LIMCH1: variants seen among roughly 807,000 people sequenced by gnomAD.
LIMCH1 encodes LIM and calponin homology domains-containing protein 1.
In LIMCH1, 113 loss-of-function variants were observed where a neutral mutation model predicts 176.5. The ratio of observed to expected loss-of-function variants is 0.64; its 90% CI spans 0.55 to 0.75. The LOEUF is 0.75. Ranked by LOEUF, LIMCH1 falls within the 30% of genes least tolerant of loss-of-function variation. The probability of loss-of-function intolerance (pLI) is 0.00; values close to 1 mark genes in which losing one functional copy is unlikely to be tolerated. For missense variants in LIMCH1, 1,674 were observed against 1,814.9 expected (o/e 0.92, Z 1.41); for synonymous variants, 619 against 645.9 (o/e 0.96, Z 0.63).
Position 41,676,465 on chromosome 4 carries a change from A to G in LIMCH1, c.3519+3A>G. ...AGGAACAGGAACGTTTGCTCCAGGT[A>G]GGATGGAGTTTGCTGCTTTTTTTGT... On this transcript the variant is annotated splice_donor_region_variant and intron_variant, in intron 23 of 31. Coordinates refer to ENST00000503057, the MANE Select transcript of LIMCH1 (RefSeq NM_001330672.2). 2 of 1,611,846 alleles carry G rather than the reference A, an allele frequency of 1.2e-6. No individual in the cohort carries two copies. The highest frequency in any genetic ancestry group is 1.1e-5 in the South Asian group (1 of 91,020).
At chr4:41,517,550 T>C (rs980969500) in intron 2 of LIMCH1, among the ~76,000 whole-genome samples, 2 of 152,198 alleles carry the variant, frequency 1.3e-5, no homozygotes, top group Non-Finnish European at 2.9e-5. Context: ...TCACACATTC[T>C]GAACCGTGCA....
Position 41,650,496 on chromosome 4 carries a change from A to G in LIMCH1, c.2924A>G (p.Gln975Arg), listed in dbSNP as rs2094247752. The stretch of plus-strand genomic sequence containing the variant: ...CCTGCCCACTCCTTAACCAAATCCC[A>G]GATGTTTGAAGGTGTGGCCAGAGTG... ...VAPAHSLTKS[Q>R]MFEGVARVHG... is the part of the protein sequence containing the mutation. Residue 975 changes from glutamine to arginine, a missense_variant, in exon 18 of 32, where the codon CAG (glutamine) becomes CGG (arginine). Coordinates refer to ENST00000503057, the MANE Select transcript of LIMCH1 (RefSeq NM_001330672.2). 6.2e-7 allele frequency: 1 copy of G among 1,613,998 alleles called. No individual in the cohort carries two copies. The highest frequency in any genetic ancestry group is 1.3e-5 in the African/African-American group (1 of 74,908).
At chr4:41,360,757 G>C (rs1224518845), upstream of LIMCH1, 1 of 995,776 alleles carries the variant, frequency 1.0e-6, no homozygotes, top group Non-Finnish European at 1.4e-6. The surrounding 1 kb of genome is among the most constrained non-coding windows in gnomAD (Gnocchi z 4.5). Flanking sequence ...CGGCGGGCGG[G>C]AAGGGGCGGG....
At chr4:41,475,757 A>G (rs1465134879) in intron 1 of LIMCH1, among the ~76,000 whole-genome samples, 1 of 152,118 alleles carries the variant, frequency 6.6e-6, no homozygotes, top group Non-Finnish European at 1.5e-5. Context: ...ACAAATACCT[A>G]GTGCATGCGG....
chr4:41,638,814 T>C (rs908342621), intron 13 of LIMCH1, 118 bp from the exon 14 acceptor site: 1 of 799,576 alleles, frequency 1.3e-6, no homozygotes, highest in African/African-American at 1.7e-5. Context: ...TCTCTTTCAG[T>C]ATCTCAGCAA....
chr4:41,409,698 A>G (rs2059310355), intron 1 of LIMCH1, among the ~76,000 whole-genome samples: 1 of 152,172 alleles, frequency 6.6e-6, no homozygotes, highest in South Asian at 2.1e-4. Context: ...CGATACAGTA[A>G]CACTGCACTC....
intron 1 of LIMCH1, among the ~76,000 whole-genome samples, chr4:41,544,990 A>C (rs896297446): frequency 6.6e-6 from 1 of 152,154 alleles, no homozygotes; most frequent in African/African-American, 2.4e-5. Flanking sequence ...TCCTGTTTCC[A>C]TTCTGAAAGG....
Position 41,530,310 on chromosome 4 carries a change from C to T in LIMCH1, c.237+5832C>T, listed in dbSNP as rs951566011. 4.6e-5 allele frequency among the ~76,000 whole-genome samples: 7 copies of T among 152,168 alleles called. No homozygotes were observed. In the South Asian group the frequency reaches 8.3e-4, roughly 18 times the overall value. ...TAACAATGCAATAAATTGGGGTCCT[C>T]ACTGCTTTGGGTGTCTAGCTGTCAA... On this transcript the variant is annotated intron_variant, in intron 3 of 26. Transcript: ENST00000313860.
chr4:41,374,588 G>A (rs2054457044), intron 1 of LIMCH1, among the ~76,000 whole-genome samples: 2 of 150,446 alleles, frequency 1.3e-5, no homozygotes, highest in African/African-American at 2.4e-5. Context: ...GTTTTAGTTA[G>A]CATTCTTATG....
intron 1 of LIMCH1, among the ~76,000 whole-genome samples, chr4:41,422,444 T>C (rs749383761): frequency 1.3e-5 from 2 of 152,154 alleles, no homozygotes; most frequent in Non-Finnish European, 2.9e-5. Flanking sequence ...TGCCTCGGCC[T>C]CCCAAAGTGC....
intron 30 of LIMCH1, among the ~76,000 whole-genome samples, chr4:41,691,667 G>A (rs546693743): frequency 6.6e-6 from 1 of 152,088 alleles, no homozygotes; most frequent in East Asian, 1.9e-4. Context: ...GGAGGCTGAG[G>A]CAGGAGAATT....
chr4:41,474,901 T>A (rs1315202589), intron 1 of LIMCH1, among the ~76,000 whole-genome samples: 1 of 152,036 alleles, frequency 6.6e-6, no homozygotes, highest in Non-Finnish European at 1.5e-5. Flanking sequence ...CTATTCACCA[T>A]AGCCAAGATA....
chr4:41,408,686 G>A (rs1196990048), intron 1 of LIMCH1, among the ~76,000 whole-genome samples: 1 of 152,108 alleles, frequency 6.6e-6, no homozygotes, highest in Non-Finnish European at 1.5e-5. Context: ...TGATTTTATG[G>A]AATCAAAAAG....
At chr4:41,478,905 G>A (rs2068138545) in intron 1 of LIMCH1, among the ~76,000 whole-genome samples, 1 of 152,174 alleles carries the variant, frequency 6.6e-6, no homozygotes, top group African/African-American at 2.4e-5. Context: ...TTAATGAGGT[G>A]GCACTGGACA....
intron 1 of LIMCH1, among the ~76,000 whole-genome samples, chr4:41,539,415 A>G (rs924926697): frequency 1.4e-4 from 22 of 152,108 alleles, no homozygotes; most frequent in African/African-American, 5.3e-4. Context: ...CCAGCCTTTG[A>G]CTCAGGAATC....
chr4:41,586,283 A>AT (rs920573675), intron 1 of LIMCH1, among the ~76,000 whole-genome samples: 16 of 151,504 alleles, frequency 1.1e-4, no homozygotes, highest in Non-Finnish European at 2.2e-4. Flanking sequence ...TAATTTTCAT[A>AT]TTTTTTTGTA....
At chr4:41,585,881 A>T (rs957095342) in intron 1 of LIMCH1, among the ~76,000 whole-genome samples, 2 of 152,172 alleles carry the variant, frequency 1.3e-5, no homozygotes, top group African/African-American at 4.8e-5. Context: ...GTTGGAAAAC[A>T]TCCGAAATGT....
intron 1 of LIMCH1, among the ~76,000 whole-genome samples, chr4:41,456,136 G>A (rs901795825): frequency 1.3e-5 from 2 of 152,146 alleles, no homozygotes; most frequent in African/African-American, 2.4e-5. Context: ...TCAGTGAGAC[G>A]ATTTGGCCTA....
chr4:41,440,436 C>T (rs1582204706), intron 1 of LIMCH1, among the ~76,000 whole-genome samples: 2 of 152,042 alleles, frequency 1.3e-5, no homozygotes, highest in African/African-American at 4.8e-5. Flanking sequence ...GGTAAATGTC[C>T]CCAAATGGTA....
Sources: gnomAD v4.1 joint callset for allele counts (sites outside exome capture counted in the v4.1 genomes callset) on GRCh38, gnomAD v4.1.1 for gene constraint, Gnocchi (gnomAD v3.1) non-coding constraint, MANE v1.5 for transcripts, NCBI Gene and HGNC (gene_info 2026-07-23, HGNC 2026-07-21) for gene names.